AFF3: variants seen among roughly 807,000 people sequenced by gnomAD.
The protein encoded by AFF3 is ALF transcription elongation factor 3.
A neutral mutation model predicts 129.7 loss-of-function variants in AFF3; 32 were observed. That is an observed-to-expected ratio of 0.25 (90% CI 0.19 to 0.33). The LOEUF (loss-of-function observed/expected upper bound fraction) is 0.33. Among genes scored for constraint, AFF3 ranks in the 10% least tolerant of loss-of-function variants. The pLI is 1.00. For missense variants in AFF3, 1,373 were observed against 1,592.0 expected, an observed-to-expected ratio of 0.86 and a Z score of 2.34; for synonymous variants, 644 against 635.4, an observed-to-expected ratio of 1.01 and a Z score of -0.20.
At chr2:99,997,068 T>C (rs1680911755) in intron 7 of AFF3, among the ~76,000 whole-genome samples, 1 of 152,134 alleles carries the variant, frequency 6.6e-6, no homozygotes. Flanking sequence ...TCAGCCCTCG[T>C]CACCTGCCCT....
chr2:99,611,637 A>G (rs1680935791), intron 13 of AFF3, among the ~76,000 whole-genome samples: 1 of 152,036 alleles, frequency 6.6e-6, no homozygotes, highest in African/African-American at 2.4e-5. Context: ...TGTAATCCCA[A>G]CACACTGGGG....
chr2:99,809,886 T>C (rs1401494450), intron 8 of AFF3, among the ~76,000 whole-genome samples: 1 of 152,210 alleles, frequency 6.6e-6, no homozygotes, highest in East Asian at 1.9e-4. Flanking sequence ...TTAAAACAAC[T>C]GTTTTCTGCT....
chr2:99,909,936 T>C (rs1341151195), intron 7 of AFF3, among the ~76,000 whole-genome samples: 1 of 152,198 alleles, frequency 6.6e-6, no homozygotes, highest in Admixed American at 6.5e-5. Flanking sequence ...AAAGTTCATG[T>C]GTTGAAGTCC....
At chr2:99,635,237 A>G (rs538320155) in intron 13 of AFF3, among the ~76,000 whole-genome samples, 12 of 151,992 alleles carry the variant, frequency 7.9e-5, no homozygotes, top group Admixed American at 5.2e-4. Context: ...TGTATATGAT[A>G]TATATACGTA....
intron 4 of AFF3, among the ~76,000 whole-genome samples, chr2:100,087,582 T>A (rs1004502467): frequency 6.6e-6 from 1 of 151,910 alleles, no homozygotes; most frequent in African/African-American, 2.4e-5. Context: ...CTTACAGGAC[T>A]ATCATTCAGA....
chr2:99,667,830 A>G (rs1159929190), intron 12 of AFF3, among the ~76,000 whole-genome samples: 1 of 152,150 alleles, frequency 6.6e-6, no homozygotes, highest in East Asian at 1.9e-4. Flanking sequence ...CCCTATGACT[A>G]TTAGATAATC....
intron 8 of AFF3, among the ~76,000 whole-genome samples, chr2:99,812,123 A>T (rs185876081): frequency 6.6e-6 from 1 of 152,284 alleles, no homozygotes; most frequent in Admixed American, 6.5e-5. Context: ...ATGCAAAGAG[A>T]TGCCCTGATG....
intron 4 of AFF3, among the ~76,000 whole-genome samples, chr2:100,018,658 G>A (rs1049873606): frequency 2.0e-5 from 3 of 151,968 alleles, no homozygotes; most frequent in Admixed American, 1.3e-4. Context: ...CAATATAAAA[G>A]TGCCTTGGGA....
chr2:100,120,667 AT>A (rs202221465), intron 2 of AFF3, among the ~76,000 whole-genome samples: 10 of 151,022 alleles, frequency 6.6e-5, no homozygotes, highest in Admixed American at 2.0e-4. Context: ...CACCTTAGCC[AT>A]TTTTTTTTAA....
Position 100,035,817 on chromosome 2 carries a change from G to T in AFF3, c.54-26885C>A, listed in dbSNP as rs551039886. On this transcript the variant is annotated intron_variant, in intron 4 of 24. Transcript: ENST00000672756. ...CCAAATCTTTAAAAATGGGGACATA[G>T]TAAGGCAATGCATGCCTTTTACACT... Among the ~76,000 whole-genome samples the T allele has an allele frequency of 6.2e-4, 95 of 152,258 alleles. 1 individual carries two copies. The Middle Eastern group carries it at 0.017, about 27-fold the overall frequency.
intron 12 of AFF3, among the ~76,000 whole-genome samples, chr2:99,665,025 A>G (rs1026669865): frequency 6.6e-6 from 1 of 152,220 alleles, no homozygotes; most frequent in East Asian, 1.9e-4. Flanking sequence ...AAAGTGAGGG[A>G]GTAGAGGCCT....
intron 4 of AFF3, among the ~76,000 whole-genome samples, chr2:100,062,118 A>C (rs1343675909): frequency 6.6e-6 from 1 of 152,208 alleles, no homozygotes; most frequent in Non-Finnish European, 1.5e-5. Flanking sequence ...ATCCTGCCCA[A>C]GAGATTTCTT....
chr2:99,594,008 G>A lies in AFF3; in HGVS notation c.1653C>T (p.Pro551=), dbSNP rs763118251. ...GSKGVKQKSP[P]AAVAVAVSAA... ...CGCTCACCGCCACGGCCACGGCCGC[G>A]GGCGGGGACTTCTGCTTCACGCCTT... Residue 551 remains proline (P), a synonymous_variant, in exon 15 of 25, where the codon CCC becomes CCT. Transcript: ENST00000672756. 25 of 1,561,778 alleles carry A rather than the reference G, an allele frequency of 1.6e-5. No homozygotes were observed. The highest frequency in any genetic ancestry group is 1.9e-5 in the Admixed American group (1 of 52,704).
chr2:99,707,695 C>T, intron 11 of AFF3: 1 of 961,840 alleles, frequency 1.0e-6, no homozygotes, highest in Non-Finnish European at 1.2e-6. Context: ...AATAGGATGC[C>T]TGCCTTTTTT....
Position 100,014,053 on chromosome 2 carries a change from G to A in AFF3, c.54-5121C>T, listed in dbSNP as rs181722891. ...TGATTCAGCAGACCCAGCCAGCCAG[G>A]GGGGGATGACCTCCTTCCCACTGCA... is the stretch of plus-strand genomic sequence containing the variant. On this transcript the variant is annotated intron_variant, in intron 4 of 24. Transcript: ENST00000672756. 8.8e-4 allele frequency among the ~76,000 whole-genome samples: 134 copies of A among 151,842 alleles called. 3 individuals are homozygous for A. In the East Asian group the frequency reaches 0.013, roughly 15 times the overall value.
rs1038352347 is a variant in AFF3 at position 99,601,725 on chromosome 2, C to G, written c.1185-104G>C. On this transcript the variant is annotated intron_variant, in intron 13 of 24. Coordinates refer to ENST00000672756, the MANE Select transcript of AFF3 (RefSeq NM_001386135.1). ...ATGCACCCTAAAGAGGGAGGAGGCA[C>G]GCAGCCTACACATCTGTCAACCATG... 4 of 1,335,116 alleles carry G rather than the reference C, an allele frequency of 3.0e-6. No individual in the cohort carries two copies. In the East Asian group the frequency reaches 9.5e-5, roughly 32 times the overall value. The allele number at this position is 1,335,116 out of a possible 1,614,324, so 82.7% of individuals were successfully genotyped here.
chr2:100,002,209 T>C (rs1224885763), intron 7 of AFF3, among the ~76,000 whole-genome samples: 1 of 152,258 alleles, frequency 6.6e-6, no homozygotes, highest in Non-Finnish European at 1.5e-5. Context: ...GAATATGTAA[T>C]GTACACATTG....
intron 11 of AFF3, among the ~76,000 whole-genome samples, chr2:99,683,620 G>A (rs1674739925): frequency 6.6e-6 from 1 of 151,712 alleles, no homozygotes. Context: ...GCTAATTTTT[G>A]TAGGGACGAG....
intron 8 of AFF3, among the ~76,000 whole-genome samples, chr2:99,824,108 G>T (rs1053186501): frequency 5.9e-5 from 9 of 151,430 alleles, no homozygotes; most frequent in Non-Finnish European, 1.2e-4. Flanking sequence ...TATTAAAAAA[G>T]AATATAAAAT....
Sources: gnomAD v4.1 joint callset for allele counts (sites outside exome capture counted in the v4.1 genomes callset) on GRCh38, gnomAD v4.1.1 for gene constraint, MANE v1.5 for transcripts, NCBI Gene and HGNC (gene_info 2026-07-23, HGNC 2026-07-21) for gene names.